Variants in NFASC observed in about 807,000 individuals in gnomAD.
NFASC encodes the protein neurofascin homolog.
NFASC carries 43 observed loss-of-function variants against 147.5 expected under a neutral mutation model. That is an observed-to-expected ratio of 0.29 (90% CI 0.23 to 0.38). The LOEUF is 0.38. Among genes scored for constraint, NFASC ranks in the 10% least tolerant of loss-of-function variants. NFASC has a pLI of 1.00. For synonymous variants in NFASC, 622 were observed against 665.5 expected (o/e 0.93, Z 1.01); for missense variants, 1,320 against 1,689.0 (o/e 0.78, Z 3.83).
rs1253134561 is a variant in NFASC at position 204,997,482 on chromosome 1, C to T, written c.3019+76C>T. 8.0e-6 allele frequency: 12 copies of T among 1,507,848 alleles called. No homozygotes were observed. In the African/African-American group the frequency reaches 9.7e-5, roughly 12 times the overall value. 93.4% of individuals were successfully genotyped at this position (1,507,848 alleles called of 1,614,324 possible). A position where few individuals can be genotyped will look rare whatever the true frequency, so the allele number is the denominator to read the frequency against. On this transcript the variant is annotated intron_variant, in intron 25 of 29. Coordinates refer to ENST00000339876, the MANE Select transcript of NFASC (RefSeq NM_001005388.3). ...CGGCCTCCAGACGAACCCACAGGCT[C>T]CCCCAGCGAGGAGGTGGGGTCTGGG... is the stretch of plus-strand genomic sequence containing the variant.
chr1:204,868,143 G>A (rs879362126), intron 1 of NFASC, among the ~76,000 whole-genome samples: 3 of 152,268 alleles, frequency 2.0e-5, no homozygotes, highest in Non-Finnish European at 4.4e-5. Flanking sequence ...CTTCACTGCA[G>A]TAGTTACAGT....
rs1016145955 is a variant in NFASC at position 204,975,556 on chromosome 1, G to A, written c.1706+138G>A. 3 of 1,208,874 alleles carry A rather than the reference G, an allele frequency of 2.5e-6. No homozygotes were observed. The highest frequency in any genetic ancestry group is 1.5e-5 in the African/African-American group (1 of 65,806). The allele number at this position is 1,208,874 out of a possible 1,614,324, so 74.9% of individuals were successfully genotyped here. A position where few individuals can be genotyped will look rare whatever the true frequency, so the allele number is the denominator to read the frequency against. ...TCACCAAGGAGCTTCTGCAGAGGGG[G>A]TGATGGCCTGGGCAACTCCCCTGCT... On this transcript the variant is annotated intron_variant, in intron 15 of 29. Transcript: ENST00000339876. This position sits in a 1 kb window ranked among gnomAD's most constrained non-coding sequence, Gnocchi z 4.0.
At chr1:204,985,568 C>A (rs1000598979) in intron 21 of NFASC, among the ~76,000 whole-genome samples, 1 of 152,166 alleles carries the variant, frequency 6.6e-6, no homozygotes, top group Non-Finnish European at 1.5e-5. Flanking sequence ...GGTTCTGGCA[C>A]GGACTCCCTG....
intron 2 of NFASC, among the ~76,000 whole-genome samples, chr1:204,927,161 A>G (rs557013010): frequency 6.6e-5 from 10 of 152,320 alleles, no homozygotes; most frequent in African/African-American, 2.4e-4. Flanking sequence ...AGCCATCATC[A>G]CAATGGATTT....
rs2096354703 is a variant in NFASC, at chr1:205,016,036, C to G, written c.3492-272C>G. ...CTTCCACCACACACAGGGACCCAAT[C>G]TCATGGAAAAGACCCAGAACAGGAG... On this transcript the variant is annotated intron_variant, in intron 29 of 29. Transcript: ENST00000339876. The surrounding 1 kb of genome is among the most constrained non-coding windows in gnomAD (Gnocchi z 5.1). Among the ~76,000 whole-genome samples, 1 of 152,186 alleles carries G rather than the reference C, an allele frequency of 6.6e-6. No homozygotes were observed. The highest frequency in any genetic ancestry group is 1.9e-4 in the East Asian group (1 of 5,170).
intron 1 of NFASC, among the ~76,000 whole-genome samples, chr1:204,892,051 G>A (rs879490397): frequency 2.6e-5 from 4 of 152,204 alleles, no homozygotes; most frequent in African/African-American, 9.7e-5. Flanking sequence ...CTGTAGGCAT[G>A]CATTTTTTTA....
chr1:204,835,813 A>G (rs1250254850), intron 1 of NFASC, among the ~76,000 whole-genome samples: 2 of 152,150 alleles, frequency 1.3e-5, no homozygotes, highest in Non-Finnish European at 2.9e-5. Flanking sequence ...GCTCTGGGAA[A>G]GGCCTTCTAG....
At position 204,957,749 on chromosome 1, in the gene NFASC, A is replaced by C; in HGVS notation, c.629A>C (p.Asp210Ala). 6.2e-7 allele frequency: 1 copy of C among 1,614,174 alleles called. No individual in the cohort carries two copies. Among genetic ancestry groups the C allele is most frequent in the South Asian group, 1.1e-5 (1 of 91,074 alleles). ...SNVMLQDMQT[D>A]YSCNARFHFT... The stretch of plus-strand genomic sequence containing the variant: ...GTGATGCTGCAGGACATGCAGACCG[A>C]CTACAGTTGTAACGCCCGCTTCCAC... The change falls in exon 8 of 30, where the codon GAC becomes GCC. Residue 210 changes from aspartate to alanine, a missense_variant. By Grantham distance (126) the Asp-to-Ala change is moderately radical. This residue lies in a region of NFASC where 981 missense variants were observed against 1,289.5 expected (regional missense o/e 0.76). Coordinates refer to ENST00000339876, the MANE Select transcript of NFASC (RefSeq NM_001005388.3).
At chr1:205,001,616 C>T (rs1431392765) in intron 26 of NFASC, among the ~76,000 whole-genome samples, 2 of 152,138 alleles carry the variant, frequency 1.3e-5, no homozygotes, top group African/African-American at 4.8e-5. Flanking sequence ...CAAATCTGTC[C>T]TCTGCATTGA....
At chr1:204,893,792 T>G (rs183847639) in intron 1 of NFASC, among the ~76,000 whole-genome samples, 1 of 152,368 alleles carries the variant, frequency 6.6e-6, no homozygotes, top group East Asian at 1.9e-4. Flanking sequence ...TTTGCCTCTC[T>G]TATTCAGTAA....
intron 7 of NFASC, 80 bp downstream of exon 7, chr1:204,955,031 G>T: frequency 1.9e-6 from 3 of 1,548,412 alleles, no homozygotes; most frequent in African/African-American, 2.7e-5. Flanking sequence ...GGAGGGGCTT[G>T]CCCAAGCTAG....
intron 1 of NFASC, among the ~76,000 whole-genome samples, chr1:204,839,229 G>A (rs924010566): frequency 1.5e-4 from 23 of 152,148 alleles, no homozygotes; most frequent in Non-Finnish European, 3.1e-4. Flanking sequence ...TAGAAAATGT[G>A]TGCACATGAA....
Position 204,975,448 on chromosome 1 carries a change from G to A in NFASC, c.1706+30G>A, listed in dbSNP as rs1167557947. ...CTCTTCCCCCTTCCCCCTTCCTAGT[G>A]CTAGTTTGAGGCGCATTTTCTTTTC... On this transcript the variant is annotated intron_variant, in intron 15 of 29. Transcript: ENST00000339876. The surrounding 1 kb of genome is among the most constrained non-coding windows in gnomAD (Gnocchi z 4.0). 7.5e-6 allele frequency: 12 copies of A among 1,594,044 alleles called. No homozygotes were observed. Among genetic ancestry groups the A allele is most frequent in the Non-Finnish European group, 1.0e-5 (12 of 1,164,488 alleles).
chr1:204,997,453 C>A, intron 25 of NFASC, 47 bp downstream of exon 25: 5 of 1,549,736 alleles, frequency 3.2e-6, no homozygotes. Flanking sequence ...GCCCGCCTCC[C>A]CAGCGGCCTC....
In NFASC at chr1:204,977,722, A is replaced by G. The variant is rs1351404749; in HGVS notation, c.1873A>G (p.Lys625Glu). 1 of 1,609,310 alleles carries G rather than the reference A, an allele frequency of 6.2e-7. No homozygotes were observed. The highest frequency in any genetic ancestry group is 1.7e-5 in the Admixed American group (1 of 59,898). The change falls in exon 17 of 30, where the codon AAA becomes GAA. Residue 625 changes from lysine (K) to glutamate (E), a missense_variant. This residue lies in a region of NFASC where 981 missense variants were observed against 1,289.5 expected (regional missense o/e 0.76). Coordinates refer to ENST00000339876, the MANE Select transcript of NFASC (RefSeq NM_001005388.3). ...AACTAACCGTTTGGCTGCCCTGCCC[A>G]AAGGTAATTCCCACTAATCACAGTC... Reference protein sequence around the residue: ...TPTNRLAALPKGRPDRPRDLE... With the variant: ...TPTNRLAALPEGRPDRPRDLE...
chr1:204,928,144 G>C (rs2091927156), intron 2 of NFASC, among the ~76,000 whole-genome samples: 1 of 152,192 alleles, frequency 6.6e-6, no homozygotes, highest in Admixed American at 6.5e-5. Context: ...GTGACTAGTA[G>C]GGCCTGAATA....
At chr1:205,000,840 C>G in intron 25 of NFASC, 4 of 302,940 alleles carry the variant, frequency 1.3e-5, no homozygotes, top group South Asian at 1.2e-4. Flanking sequence ...AAAAAAAAAA[C>G]AGAAAACAAA....
intron 1 of NFASC, among the ~76,000 whole-genome samples, chr1:204,877,108 A>T (rs1202700568): frequency 1.5e-5 from 2 of 134,782 alleles, no homozygotes; most frequent in Admixed American, 8.4e-5. Context: ...TTTATATATA[A>T]ATAATATTAA....
chr1:204,867,674 C>T (rs145429389), intron 1 of NFASC, among the ~76,000 whole-genome samples: 10 of 152,308 alleles, frequency 6.6e-5, no homozygotes, highest in South Asian at 4.1e-4. Flanking sequence ...CACACACACA[C>T]GGCCAGAACA....
Sources: gnomAD v4.1 joint callset for allele counts (sites outside exome capture counted in the v4.1 genomes callset) on GRCh38, gnomAD v4.1.1 for gene constraint, gnomAD v4.1.1 regional missense constraint, Gnocchi (gnomAD v3.1) non-coding constraint, MANE v1.5 for transcripts, NCBI Gene and HGNC (gene_info 2026-07-23, HGNC 2026-07-21) for gene names.